KCNT2: variants seen among roughly 807,000 people sequenced by gnomAD.
KCNT2 encodes the protein potassium channel subfamily T member 2.
In KCNT2, 67 loss-of-function variants were observed where a neutral mutation model predicts 153.8. The observed-to-expected ratio is 0.44, with a 90% CI of 0.36 to 0.53. The LOEUF is 0.53. Ranked by LOEUF, KCNT2 falls within the 20% of genes least tolerant of loss-of-function variation. The pLI, the probability that KCNT2 is intolerant of heterozygous loss-of-function variation, is 0.00. For synonymous variants in KCNT2, 500 were observed against 458.8 expected, an observed-to-expected ratio of 1.09 and a Z score of -1.15; for missense variants, 975 against 1,354.8, an observed-to-expected ratio of 0.72 and a Z score of 4.40.
chr1:196,373,370 T>C, intron 13 of KCNT2, 122 bp from the exon 14 acceptor site: 1 of 598,694 alleles, frequency 1.7e-6, no homozygotes, highest in Non-Finnish European at 3.0e-6. Flanking sequence ...GTTTTAGAGA[T>C]GTTTTTACAA....
intron 25 of KCNT2, among the ~76,000 whole-genome samples, chr1:196,270,792 G>A (rs1226236871): frequency 6.6e-6 from 1 of 151,694 alleles, no homozygotes; most frequent in African/African-American, 2.4e-5. Context: ...GCCAGTTACT[G>A]AAATATATAG....
intron 1 of KCNT2, among the ~76,000 whole-genome samples, chr1:196,549,724 T>C (rs1289864448): frequency 6.6e-6 from 1 of 151,946 alleles, no homozygotes; most frequent in Non-Finnish European, 1.5e-5. Context: ...TTATGAGCCA[T>C]GTGGGTCTTT....
chr1:196,525,008 G>C (rs182691538), intron 1 of KCNT2, among the ~76,000 whole-genome samples: 1 of 152,058 alleles, frequency 6.6e-6, no homozygotes, highest in Non-Finnish European at 1.5e-5. Context: ...GTGATTTGTT[G>C]TATTTTGGAG....
At chr1:196,591,607 T>C (rs1377718510) in intron 1 of KCNT2, among the ~76,000 whole-genome samples, 1 of 152,126 alleles carries the variant, frequency 6.6e-6, no homozygotes, top group African/African-American at 2.4e-5. Context: ...TCTCCAATGC[T>C]CTCATAGTAC....
chr1:196,357,948 T>C (rs1372209403), intron 14 of KCNT2, among the ~76,000 whole-genome samples: 1 of 151,936 alleles, frequency 6.6e-6, no homozygotes, highest in Non-Finnish European at 1.5e-5. Flanking sequence ...TTCTTCATCA[T>C]TAGTGTTTTT....
At chr1:196,531,462 A>G (rs1654928750) in intron 1 of KCNT2, among the ~76,000 whole-genome samples, 1 of 152,112 alleles carries the variant, frequency 6.6e-6, no homozygotes, top group Non-Finnish European at 1.5e-5. Flanking sequence ...TCCTCGAGGT[A>G]AAATGGAGGT....
chr1:196,435,137 A>ATG (rs1391109857), intron 8 of KCNT2, among the ~76,000 whole-genome samples: 15 of 51,438 alleles, frequency 2.9e-4, no homozygotes, highest in South Asian at 8.0e-4. Context: ...GTGTGTGTGT[A>ATG]TGTATATATA....
At chr1:196,582,268 A>C (rs1558103846) in intron 1 of KCNT2, 2 of 151,968 alleles carry the variant, frequency 1.3e-5, no homozygotes, top group Non-Finnish European at 2.9e-5. Context: ...CTGTTTCTTC[A>C]GCTGTACAAT....
rs527527338 is a variant in KCNT2, at chr1:196,364,469, A to G, written c.1403+8671T>C. On this transcript the variant is annotated intron_variant, in intron 14 of 27. Coordinates refer to ENST00000294725, the MANE Select transcript of KCNT2 (RefSeq NM_198503.5). ...TATACAGCATACACACAAATTAATT[A>G]CATTGCATTTTGGCTTAATGTGTTT... Among the ~76,000 whole-genome samples the G allele has an allele frequency of 2.6e-5, 4 of 152,272 alleles. No homozygotes were observed. In the South Asian group the frequency reaches 8.3e-4, roughly 32 times the overall value.
At chr1:196,344,810 C>T (rs922445864) in intron 14 of KCNT2, among the ~76,000 whole-genome samples, 10 of 152,078 alleles carry the variant, frequency 6.6e-5, no homozygotes, top group Non-Finnish European at 5.9e-5. Context: ...TATTGCCTTG[C>T]TATTTTATGC....
chr1:196,568,132 A>G (rs376594547), intron 1 of KCNT2, among the ~76,000 whole-genome samples: 2 of 152,156 alleles, frequency 1.3e-5, no homozygotes, highest in Non-Finnish European at 2.9e-5. Context: ...ACGGTCCCCA[A>G]CCTTTTTGGC....
In KCNT2 at chr1:196,246,019, T is replaced by C. The variant is rs1332638967; in HGVS notation, c.3212-9949A>G. Among the ~76,000 whole-genome samples, 7 of 152,022 alleles carry C rather than the reference T, an allele frequency of 4.6e-5. No homozygotes were observed. The East Asian group carries it at 1.2e-3, about 25-fold the overall frequency. The stretch of plus-strand genomic sequence containing the variant: ...GATAATAGAACATCAAGCAGATTAA[T>C]CAAAATAAGACTACTTTAAGACATT... On this transcript the variant is annotated intron_variant, in intron 26 of 27. Transcript: ENST00000294725.
intron 22 of KCNT2, among the ~76,000 whole-genome samples, chr1:196,286,344 A>G (rs1349136382): frequency 2.0e-5 from 3 of 152,090 alleles, no homozygotes; most frequent in Non-Finnish European, 4.4e-5. Flanking sequence ...CCCTTCTACC[A>G]TGTACCATCT....
chr1:196,435,152 T>TATA (rs1174142505), intron 8 of KCNT2, among the ~76,000 whole-genome samples: 1 of 109,452 alleles, frequency 9.1e-6, no homozygotes, highest in African/African-American at 3.1e-5. Context: ...TATATATATA[T>TATA]ATATATATAT....
chr1:196,391,820 T>C (rs1670521067), intron 13 of KCNT2, among the ~76,000 whole-genome samples: 1 of 151,398 alleles, frequency 6.6e-6, no homozygotes. Flanking sequence ...TATAGAACTC[T>C]TTGCACTATC....
intron 19 of KCNT2, among the ~76,000 whole-genome samples, chr1:196,325,074 T>C (rs1306570681): frequency 6.6e-6 from 1 of 152,020 alleles, no homozygotes; most frequent in African/African-American, 2.4e-5. Flanking sequence ...AGACTGAAGA[T>C]TGAAAATGAG....
intron 1 of KCNT2, among the ~76,000 whole-genome samples, chr1:196,580,123 A>T (rs1430427622): frequency 6.6e-6 from 1 of 152,178 alleles, no homozygotes; most frequent in Non-Finnish European, 1.5e-5. Context: ...CACCAATACA[A>T]AAGAATAAAC....
intron 1 of KCNT2, among the ~76,000 whole-genome samples, chr1:196,607,357 C>T (rs1299483015): frequency 6.6e-6 from 1 of 152,144 alleles, no homozygotes; most frequent in Non-Finnish European, 1.5e-5. Flanking sequence ...CCAGAAAATA[C>T]TAAATTCGCT....
chr1:196,600,482 A>T (rs534290131), intron 1 of KCNT2, among the ~76,000 whole-genome samples: 1 of 151,076 alleles, frequency 6.6e-6, no homozygotes, highest in Non-Finnish European at 1.5e-5. Flanking sequence ...CAAAACACAT[A>T]ATATCAGAAA....
Sources: allele counts gnomAD v4.1 joint callset (sites outside exome capture counted in the v4.1 genomes callset), GRCh38; gene constraint gnomAD v4.1.1; transcripts MANE v1.5; gene names NCBI Gene and HGNC (gene_info 2026-07-23, HGNC 2026-07-21).